The following MYO1E variants were observed in gnomAD, a reference collection of about 807,000 sequenced individuals.
MYO1E encodes the protein unconventional myosin-Ie.
MYO1E carries 68 observed loss-of-function variants against 151.1 expected under a neutral mutation model. The observed-to-expected ratio is 0.45, with a 90% CI of 0.37 to 0.55. MYO1E has a LOEUF of 0.55. Ranked by LOEUF, MYO1E falls within the 20% of genes least tolerant of loss-of-function variation. MYO1E has a pLI of 0.00. For synonymous variants in MYO1E, 601 were observed against 501.7 expected (o/e 1.20, Z -2.64); for missense variants, 1,363 against 1,389.3 (o/e 0.98, Z 0.30).
chr15:59,205,427 A>G lies in MYO1E; in HGVS notation c.1589T>C (p.Leu530Pro), dbSNP rs2079827210. The G allele has an allele frequency of 1.9e-6, 3 of 1,614,088 alleles. No individual in the cohort carries two copies. The highest frequency in any genetic ancestry group is 1.3e-5 in the African/African-American group (1 of 74,940). ...CTCGCTGCTCTGCATAAGCTCGATG[A>G]GATCCATAAAAAGCACATCCCGGTT... ...ERNRDVLFMD[L>P]IELMQSSELP... The change falls in exon 15 of 28, where the codon CTC becomes CCC. Residue 530 changes from leucine (L) to proline (P), a missense_variant. Physicochemically the swap from Leu to Pro is moderately conservative, Grantham distance 98. Coordinates refer to ENST00000288235, the MANE Select transcript of MYO1E (RefSeq NM_004998.4).
intron 1 of MYO1E, among the ~76,000 whole-genome samples, chr15:59,352,253 G>C (rs2080827473): frequency 6.6e-6 from 1 of 152,178 alleles, no homozygotes; most frequent in African/African-American, 2.4e-5. Context: ...AGATGATTGA[G>C]TCGCATATCT....
intron 1 of MYO1E, among the ~76,000 whole-genome samples, chr15:59,319,874 C>G (rs2080615020): frequency 6.6e-6 from 1 of 152,030 alleles, no homozygotes; most frequent in Non-Finnish European, 1.5e-5. Flanking sequence ...TGCACTCCAG[C>G]CTGGGCAACA....
At chr15:59,139,561 CCTT>C (rs2079396776) in intron 26 of MYO1E, among the ~76,000 whole-genome samples, 1 of 145,686 alleles carries the variant, frequency 6.9e-6, no homozygotes, top group South Asian at 2.2e-4. Context: ...TTCCGTCTCA[CCTT>C]CTCATTATTT....
chr15:59,173,663 G>T, intron 21 of MYO1E, 83 bp downstream of exon 21: 2 of 1,546,142 alleles, frequency 1.3e-6, no homozygotes, highest in East Asian at 2.2e-5. Context: ...TTCTGATTTG[G>T]TAACAACAAA....
chr15:59,197,788 A>C (rs2079776889), intron 16 of MYO1E, among the ~76,000 whole-genome samples: 1 of 152,268 alleles, frequency 6.6e-6, no homozygotes, highest in African/African-American at 2.4e-5. Context: ...GTGAATAATT[A>C]ATTTCAGCAA....
At chr15:59,258,854 T>A (rs1438708548) in intron 3 of MYO1E, among the ~76,000 whole-genome samples, 2 of 151,348 alleles carry the variant, frequency 1.3e-5, no homozygotes, top group Non-Finnish European at 2.9e-5. Context: ...GAGACTTTGT[T>A]TCAAAAGAAA....
chr15:59,144,194 T>G (rs1378988850), intron 26 of MYO1E, among the ~76,000 whole-genome samples: 1 of 152,010 alleles, frequency 6.6e-6, no homozygotes, highest in Non-Finnish European at 1.5e-5. Context: ...TGAGACTGAG[T>G]CTCACTCTAT....
At chr15:59,371,957 G>A (rs2080948100) in intron 1 of MYO1E, among the ~76,000 whole-genome samples, 1 of 149,732 alleles carries the variant, frequency 6.7e-6, no homozygotes, top group Non-Finnish European at 1.5e-5. Flanking sequence ...GGCGGGCCAG[G>A]GACCGCCCCC....
chr15:59,190,209 T>A (rs1402576730), intron 17 of MYO1E, among the ~76,000 whole-genome samples: 2 of 152,214 alleles, frequency 1.3e-5, no homozygotes, highest in Non-Finnish European at 2.9e-5. Context: ...TGAGGCAAAT[T>A]AGACATAAAA....
At chr15:59,265,773 T>C (rs1457290870) in intron 2 of MYO1E, among the ~76,000 whole-genome samples, 2 of 133,570 alleles carry the variant, frequency 1.5e-5, no homozygotes, top group Non-Finnish European at 3.1e-5. Context: ...CTGGGCAATA[T>C]ACTGAGACCC....
chr15:59,314,814 C>T (rs2080575984), intron 1 of MYO1E, among the ~76,000 whole-genome samples: 1 of 152,014 alleles, frequency 6.6e-6, no homozygotes, highest in African/African-American at 2.4e-5. Context: ...TCAGCAGTGT[C>T]AATGTTGTAA....
chr15:59,218,210 G>A (rs540454631), intron 9 of MYO1E, 123 bp from the exon 10 acceptor site: 85 of 1,170,382 alleles, frequency 7.3e-5, no homozygotes, highest in African/African-American at 7.3e-4. Context: ...GCACAATCAC[G>A]GGCCCCAAGA....
intron 2 of MYO1E, among the ~76,000 whole-genome samples, chr15:59,268,823 A>C (rs1382872587): frequency 6.9e-6 from 1 of 144,348 alleles, no homozygotes; most frequent in Non-Finnish European, 1.5e-5. Context: ...TGAAGAAGAT[A>C]TATAAGACAT....
At chr15:59,317,635 G>A (rs1335186648) in intron 1 of MYO1E, among the ~76,000 whole-genome samples, 1 of 152,176 alleles carries the variant, frequency 6.6e-6, no homozygotes, top group Non-Finnish European at 1.5e-5. Flanking sequence ...TGAAAGTCTG[G>A]GTACAGGTGG....
In MYO1E at chr15:59,223,059, A is replaced by T. The variant is rs1317921050; in HGVS notation, c.910T>A (p.Phe304Ile). ...ATGGCCACATGCCAGGGCTACGCAC[A>T]CTCTTCACTCTCCACAGCCGCGTAG... is the stretch of plus-strand genomic sequence containing the variant. ...GNYAAVESEEFLAFPAYLLGI... is the reference protein window; with the variant it reads ...GNYAAVESEEILAFPAYLLGI... Residue 304 changes from phenylalanine (F) to isoleucine (I), a missense_variant and splice_region_variant, in exon 9 of 28, where the codon TTT (phenylalanine) becomes ATT (isoleucine). Transcript: ENST00000288235. The T allele has an allele frequency of 4.3e-6, 7 of 1,613,048 alleles. No homozygotes were observed. Among genetic ancestry groups the T allele is most frequent in the Admixed American group, 1.7e-5 (1 of 59,924 alleles).
At position 59,199,764 on chromosome 15, in the gene MYO1E, C is replaced by T. The variant is rs2079789647; in HGVS notation, c.1698+2562G>A. Among the ~76,000 whole-genome samples the T allele has an allele frequency of 5.3e-5, 8 of 152,266 alleles. No homozygotes were observed. The South Asian group carries it at 1.7e-3, about 32-fold the overall frequency. On this transcript the variant is annotated intron_variant, in intron 16 of 27. Transcript: ENST00000288235. ...CAAGTTTAATTTTTCTTTCAAGGAA[C>T]TCAGAATCCTTTTAAACGCTTACGC...
At chr15:59,269,053 G>A (rs11638097) in intron 2 of MYO1E, among the ~76,000 whole-genome samples, 1 of 152,058 alleles carries the variant, frequency 6.6e-6, no homozygotes, top group Admixed American at 6.6e-5. Context: ...CGGAAATGAA[G>A]ACTTCTATGG....
chr15:59,266,317 A>G (rs1566996452), intron 2 of MYO1E, among the ~76,000 whole-genome samples: 1 of 152,166 alleles, frequency 6.6e-6, no homozygotes, highest in Non-Finnish European at 1.5e-5. Context: ...CCTAAGGTTA[A>G]TTTTCAAACT....
intron 3 of MYO1E, among the ~76,000 whole-genome samples, chr15:59,259,418 A>T (rs1421147369): frequency 6.6e-6 from 1 of 152,154 alleles, no homozygotes. Context: ...AGATCAGTCC[A>T]AAACAATGGA....
Sources: allele counts gnomAD v4.1 joint callset (sites outside exome capture counted in the v4.1 genomes callset), GRCh38; gene constraint gnomAD v4.1.1; transcripts MANE v1.5; gene names NCBI Gene and HGNC (gene_info 2026-07-23, HGNC 2026-07-21).